TMEM132D: variants seen among roughly 807,000 people sequenced by gnomAD.
The protein encoded by TMEM132D is mature OL transmembrane protein.
Under a neutral mutation model 62.3 loss-of-function variants are expected in TMEM132D, and 21 were observed. The observed-to-expected ratio is 0.34, with a 90% confidence interval of 0.24 to 0.49. The LOEUF is 0.49. TMEM132D is among the 20% of genes least tolerant of loss of function. The pLI is 0.99. For missense variants in TMEM132D, 1,346 were observed against 1,402.8 expected (o/e 0.96, Z 0.65); for synonymous variants, 621 against 575.6 (o/e 1.08, Z -1.13).
At chr12:129,101,983 TG>T (rs1565964365) in intron 5 of TMEM132D, among the ~76,000 whole-genome samples, 48 of 132,406 alleles carry the variant, frequency 3.6e-4, no homozygotes, top group African/African-American at 1.1e-3. Context: ...TCAAAGCTGC[TG>T]TTTTTTTTTT....
chr12:129,130,015 CTGTGTG>C (rs59282376), intron 5 of TMEM132D, among the ~76,000 whole-genome samples: 1,571 of 141,938 alleles, frequency 0.011, 29 homozygotes, highest in East Asian at 0.034. Context: ...AAGCTCTGCT[CTGTGTG>C]TGTGTGTGTG....
chr12:129,561,263 A>G (rs190561500), intron 2 of TMEM132D, among the ~76,000 whole-genome samples: 1 of 152,234 alleles, frequency 6.6e-6, no homozygotes, highest in Non-Finnish European at 1.5e-5. Context: ...AGTCTGAACC[A>G]CTCATCCAAC....
chr12:129,154,734 T>C (rs1158771685), intron 5 of TMEM132D, among the ~76,000 whole-genome samples: 2 of 152,230 alleles, frequency 1.3e-5, no homozygotes, highest in Non-Finnish European at 2.9e-5. Flanking sequence ...TATATCTTTT[T>C]TATTTTTTAA....
chr12:129,339,341 G>A (rs1869392472), intron 3 of TMEM132D, among the ~76,000 whole-genome samples: 1 of 79,730 alleles, frequency 1.3e-5, no homozygotes, highest in Non-Finnish European at 2.9e-5. Context: ...AGGAGGGGAA[G>A]GAGGGGGCCG....
intron 7 of TMEM132D, among the ~76,000 whole-genome samples, chr12:129,079,289 C>T (rs906648790): frequency 6.6e-6 from 1 of 152,128 alleles, no homozygotes; most frequent in African/African-American, 2.4e-5. Flanking sequence ...CTTTGGGAAA[C>T]GCAGCGCATG....
At chr12:129,124,097 G>A (rs1051576761) in intron 5 of TMEM132D, among the ~76,000 whole-genome samples, 1 of 152,080 alleles carries the variant, frequency 6.6e-6, no homozygotes, top group Non-Finnish European at 1.5e-5. Flanking sequence ...ACTAATACAG[G>A]TAGCCTCATG....
chr12:129,560,533 G>C (rs912369591), intron 2 of TMEM132D, among the ~76,000 whole-genome samples: 6 of 152,082 alleles, frequency 3.9e-5, no homozygotes, highest in Admixed American at 1.3e-4. Context: ...GCCTCCCAAA[G>C]TGCTAGGATT....
chr12:129,370,588 C>T (rs1014402313), intron 3 of TMEM132D, among the ~76,000 whole-genome samples: 3 of 152,180 alleles, frequency 2.0e-5, no homozygotes, highest in Non-Finnish European at 4.4e-5. Context: ...CACTCTTCTT[C>T]ATAAAGACTT....
At chr12:129,339,622 C>A (rs1869403041) in intron 3 of TMEM132D, among the ~76,000 whole-genome samples, 1 of 152,142 alleles carries the variant, frequency 6.6e-6, no homozygotes, top group Non-Finnish European at 1.5e-5. Context: ...CTCTTTGAAG[C>A]CCCTGACTGG....
chr12:129,628,504 GCTT>G (rs145355373), intron 2 of TMEM132D, among the ~76,000 whole-genome samples: 316 of 152,280 alleles, frequency 2.1e-3, no homozygotes, highest in African/African-American at 7.1e-3. Flanking sequence ...ACATTCTCTT[GCTT>G]CTTCTTCATT....
intron 1 of TMEM132D, among the ~76,000 whole-genome samples, chr12:129,803,416 G>T (rs1871865063): frequency 6.6e-6 from 1 of 152,036 alleles, no homozygotes. Flanking sequence ...CATGGAAACT[G>T]AACAACCTGC....
At chr12:129,244,580 T>A (rs1334100613) in intron 4 of TMEM132D, among the ~76,000 whole-genome samples, 2 of 152,092 alleles carry the variant, frequency 1.3e-5, no homozygotes, top group Non-Finnish European at 2.9e-5. Flanking sequence ...ACAAAACCCA[T>A]CCGACTAAGT....
In TMEM132D at chr12:129,903,134, C is replaced by A; in HGVS notation, c.79+127G>T. The stretch of plus-strand genomic sequence containing the variant: ...GTTCACACGCGCGCACACACACATG[C>A]ACACAAGCGCGCACACACACTTGCA... On this transcript the variant is annotated intron_variant, in intron 1 of 8. Transcript: ENST00000422113. This position sits in a 1 kb window ranked among gnomAD's most constrained non-coding sequence, Gnocchi z 6.2. 2.0e-6 allele frequency: 2 copies of A among 1,011,392 alleles called. No individual in the cohort carries two copies. The highest frequency in any genetic ancestry group is 2.9e-6 in the Non-Finnish European group (2 of 679,690). 62.7% of individuals were successfully genotyped at this position (1,011,392 alleles called of 1,614,324 possible).
intron 4 of TMEM132D, among the ~76,000 whole-genome samples, chr12:129,257,208 T>TC (rs1880429479): frequency 8.2e-6 from 1 of 121,376 alleles, no homozygotes; most frequent in African/African-American, 3.2e-5. Flanking sequence ...TTCTTTCTTT[T>TC]TTTTTTTTTT....
At chr12:129,159,610 A>C (rs1440852906) in intron 5 of TMEM132D, among the ~76,000 whole-genome samples, 1 of 151,844 alleles carries the variant, frequency 6.6e-6, no homozygotes, top group Non-Finnish European at 1.5e-5. Flanking sequence ...ATACAAAATA[A>C]ATTAGCCAGG....
intron 5 of TMEM132D, among the ~76,000 whole-genome samples, chr12:129,103,094 C>A (rs1875368932): frequency 6.6e-6 from 1 of 152,088 alleles, no homozygotes; most frequent in Non-Finnish European, 1.5e-5. Flanking sequence ...GTTTTGTGAC[C>A]CTACAAAATC....
chr12:129,623,708 C>CAT (rs1565926906), intron 2 of TMEM132D, among the ~76,000 whole-genome samples: 8 of 142,554 alleles, frequency 5.6e-5, no homozygotes, highest in African/African-American at 2.2e-4. Context: ...TATATACATA[C>CAT]ATATGCATAT....
chr12:129,632,136 G>C (rs1015485641), intron 2 of TMEM132D, among the ~76,000 whole-genome samples: 4 of 152,174 alleles, frequency 2.6e-5, no homozygotes, highest in Non-Finnish European at 5.9e-5. Context: ...GACTATTAAA[G>C]GGTTTTGGAA....
intron 4 of TMEM132D, among the ~76,000 whole-genome samples, chr12:129,236,207 T>C (rs1034653973): frequency 6.6e-6 from 1 of 151,526 alleles, no homozygotes; most frequent in Admixed American, 6.6e-5. Context: ...CTTTCTTTCT[T>C]TTTCAGATAG....
Sources: allele counts gnomAD v4.1 joint callset (sites outside exome capture counted in the v4.1 genomes callset), GRCh38; gene constraint gnomAD v4.1.1; non-coding constraint Gnocchi (gnomAD v3.1); transcripts MANE v1.5; gene names NCBI Gene and HGNC (gene_info 2026-07-23, HGNC 2026-07-21).